PSMA5: variants seen among roughly 807,000 people sequenced by gnomAD.
PSMA5 encodes the protein proteasome 20S subunit alpha 5.
A neutral mutation model predicts 34.5 loss-of-function variants in PSMA5; 3 were observed. The ratio of observed to expected loss-of-function variants is 0.09; its 90% CI spans 0.04 to 0.22. The LOEUF (loss-of-function observed/expected upper bound fraction) is 0.22. Ranked by LOEUF, PSMA5 falls within the 10% of genes least tolerant of loss-of-function variation. The probability of loss-of-function intolerance (pLI) is 1.00; values close to 1 mark genes in which losing one functional copy is unlikely to be tolerated. For missense variants in PSMA5, 120 were observed against 286.1 expected (o/e 0.42, Z 4.19); for synonymous variants, 88 against 95.8 (o/e 0.92, Z 0.47).
chr1:109,402,190 T>G, intron 8 of PSMA5, 100 bp from the exon 9 acceptor site: 1 of 815,360 alleles, frequency 1.2e-6, no homozygotes, highest in South Asian at 1.6e-5. Context: ...AGCTATTCAT[T>G]AGGAACTAAG....
In PSMA5 at chr1:109,402,138, T is replaced by C. The variant is rs563716646; in HGVS notation, c.649-48A>G. 8 of 1,392,132 alleles carry C rather than the reference T, an allele frequency of 5.7e-6. No individual in the cohort carries two copies. The Admixed American group carries it at 1.4e-4, about 24-fold the overall frequency. 86.2% of individuals were successfully genotyped at this position (1,392,132 alleles called of 1,614,324 possible). The stretch of plus-strand genomic sequence containing the variant: ...AATAAGCTGGGCTGAGTTACCCTGC[T>C]GATGGCCCTACCATGGTCAGGAGAA... On this transcript the variant is annotated intron_variant, in intron 8 of 8. Transcript: ENST00000271308.
chr1:109,416,974 G>A (rs779947290), intron 2 of PSMA5, among the ~76,000 whole-genome samples: 3 of 152,110 alleles, frequency 2.0e-5, no homozygotes, highest in Admixed American at 6.6e-5. Flanking sequence ...GCTTGGTGGC[G>A]TATGCCTGTA....
chr1:109,422,143 A>G (rs1220349934), intron 1 of PSMA5, among the ~76,000 whole-genome samples: 4 of 152,304 alleles, frequency 2.6e-5, no homozygotes, highest in South Asian at 4.1e-4. Context: ...TCACTCCCAG[A>G]AAGTCTTCCC....
At position 109,412,864 on chromosome 1, in the gene PSMA5, G is replaced by A. The variant is rs550909150; in HGVS notation, c.291+204C>T. On this transcript the variant is annotated intron_variant, in intron 4 of 8. Coordinates refer to ENST00000271308, the MANE Select transcript of PSMA5 (RefSeq NM_002790.4). ...AAAGGAAGACACTGTCAGCACTACT[G>A]ACCAGAGCCTCTTTAAAACTGCAAT... The A allele has an allele frequency of 3.4e-5, 18 of 534,548 alleles. No individual in the cohort carries two copies. In the South Asian group the frequency reaches 4.6e-4, roughly 14 times the overall value. The allele number at this position is 534,548 out of a possible 1,614,324, so 33.1% of individuals were successfully genotyped here.
At chr1:109,419,838 G>A (rs959464111) in intron 2 of PSMA5, among the ~76,000 whole-genome samples, 2 of 150,694 alleles carry the variant, frequency 1.3e-5, no homozygotes, top group African/African-American at 4.9e-5. Flanking sequence ...GCCGCGCATG[G>A]TTGTGCATAG....
At chr1:109,413,940 A>G (rs1403033173) in intron 3 of PSMA5, among the ~76,000 whole-genome samples, 1 of 152,182 alleles carries the variant, frequency 6.6e-6, no homozygotes, top group African/African-American at 2.4e-5. Flanking sequence ...CTCCAGTTTC[A>G]GCCCTCTTTA....
chr1:109,418,998 T>C (rs1654328430), intron 2 of PSMA5, among the ~76,000 whole-genome samples: 1 of 151,954 alleles, frequency 6.6e-6, no homozygotes, highest in African/African-American at 2.4e-5. Flanking sequence ...CTACTAAAAA[T>C]GCAAAATTAG....
intron 1 of PSMA5, 57 bp downstream of exon 1, chr1:109,426,245 C>A (rs1654653500): frequency 3.1e-6 from 5 of 1,606,626 alleles, no homozygotes; most frequent in Non-Finnish European, 3.4e-6. Flanking sequence ...GCCGCGCGGC[C>A]AGGTCCCGGG....
rs1363943329 is a variant in PSMA5, at chr1:109,400,278, G to T, written c.*1735C>A. ...AACTCACCTCTCCCAAAAGCAACATGGGCTTTATCCATTTCTGCATTAACC... is the reference window on the plus strand; with the variant it reads ...AACTCACCTCTCCCAAAAGCAACATTGGCTTTATCCATTTCTGCATTAACC... On this transcript the variant is annotated 3_prime_UTR_variant, in exon 9 of 9. Transcript: ENST00000271308. 1 of 152,100 alleles carries T rather than the reference G, an allele frequency of 6.6e-6. No homozygotes were observed. The highest frequency in any genetic ancestry group is 2.4e-5 in the African/African-American group (1 of 41,418). 9.4% of individuals were successfully genotyped at this position (152,100 alleles called of 1,614,324 possible).
rs1654670580 is a variant in PSMA5 at position 109,426,425 on chromosome 1, C to A, written c.-95G>T. 12 of 1,496,626 alleles carry A rather than the reference C, an allele frequency of 8.0e-6. 1 individual carries two copies. The South Asian group carries it at 1.0e-4, about 13-fold the overall frequency. The allele number at this position is 1,496,626 out of a possible 1,614,324, so 92.7% of individuals were successfully genotyped here. The stretch of plus-strand genomic sequence containing the variant: ...CTCACCGGCAGCCAACTCACCCACA[C>A]GGCCGCAGTACTAAGGACCAACTGC... On this transcript the variant is annotated 5_prime_UTR_variant, in exon 1 of 9. Coordinates refer to ENST00000271308, the MANE Select transcript of PSMA5 (RefSeq NM_002790.4).
Position 109,409,939 on chromosome 1 carries a change from T to C in PSMA5, c.637A>G (p.Thr213Ala). 1 of 1,599,542 alleles carries C rather than the reference T, an allele frequency of 6.3e-7. No individual in the cohort carries two copies. Among genetic ancestry groups the C allele is most frequent in the Admixed American group, 1.7e-5 (1 of 58,456 alleles). The part of the protein sequence containing the change: ...KQVMEEKLNA[T>A]NIELATVQPG... ...AAAACAGAAAGTACCTCAATGTTTGTTGCATTCAGCTTCTCCTCCATTACT... is the reference window on the plus strand; with the variant it reads ...AAAACAGAAAGTACCTCAATGTTTGCTGCATTCAGCTTCTCCTCCATTACT... The change falls in exon 8 of 9, where the codon ACA (threonine) becomes GCA (alanine). Residue 213 changes from threonine to alanine, a missense_variant. This residue lies in a region of PSMA5 where 83 missense variants were observed against 203.2 expected (regional missense o/e 0.41). Transcript: ENST00000271308.
rs1439605352 is a variant in PSMA5, at chr1:109,401,516, T to C, written c.*497A>G. Reference sequence around the variant, plus strand: ...TATTAACCACTGGGAAGAGCTGGACTAGTTCATTTATCAACACCATGGGAT... The same window carrying C: ...TATTAACCACTGGGAAGAGCTGGACCAGTTCATTTATCAACACCATGGGAT... On this transcript the variant is annotated 3_prime_UTR_variant, in exon 9 of 9. Coordinates refer to ENST00000271308, the MANE Select transcript of PSMA5 (RefSeq NM_002790.4). 6.6e-6 allele frequency: 1 copy of C among 152,298 alleles called. No individual in the cohort carries two copies. Among genetic ancestry groups the C allele is most frequent in the East Asian group, 1.9e-4 (1 of 5,196 alleles). 9.4% of individuals were successfully genotyped at this position (152,298 alleles called of 1,614,324 possible). A position where few individuals can be genotyped will look rare whatever the true frequency, so the allele number is the denominator to read the frequency against.
rs2100948261 is a variant in PSMA5 at position 109,401,403 on chromosome 1, T to C, written c.*610A>G. The C allele has an allele frequency of 6.6e-6, 1 of 152,282 alleles. No homozygotes were observed. The highest frequency in any genetic ancestry group is 1.5e-5 in the Non-Finnish European group (1 of 68,022). The allele number at this position is 152,282 out of a possible 1,614,324, so 9.4% of individuals were successfully genotyped here. A position where few individuals can be genotyped will look rare whatever the true frequency, so the allele number is the denominator to read the frequency against. ...ACATGTTCTTCTGATAGTCAATTAG[T>C]AGCATCTCCTTATAAGAAAAGCAGC... On this transcript the variant is annotated 3_prime_UTR_variant, in exon 9 of 9. Coordinates refer to ENST00000271308, the MANE Select transcript of PSMA5 (RefSeq NM_002790.4).
At chr1:109,412,982 T>G in intron 4 of PSMA5, 86 bp downstream of exon 4, 1 of 1,135,426 alleles carries the variant, frequency 8.8e-7, no homozygotes, top group East Asian at 2.4e-5. Context: ...TTGACACAGG[T>G]ACCTGCAGTA....
At chr1:109,411,138 T>G (rs755761916) in intron 6 of PSMA5, 25 bp from the exon 7 acceptor site, 1 of 1,567,128 alleles carries the variant, frequency 6.4e-7, no homozygotes, top group Non-Finnish European at 8.8e-7. Flanking sequence ...AAATGAGGAC[T>G]AAAATGCTCA....
chr1:109,426,294 G>A lies in PSMA5; in HGVS notation c.29+8C>T. 6.2e-7 allele frequency: 1 copy of A among 1,614,032 alleles called. No individual in the cohort carries two copies. The highest frequency in any genetic ancestry group is 8.5e-7 in the Non-Finnish European group (1 of 1,179,928). On this transcript the variant is annotated splice_region_variant and intron_variant, in intron 1 of 8. Coordinates refer to ENST00000271308, the MANE Select transcript of PSMA5 (RefSeq NM_002790.4). ...AATTCCCACCCGACGTCCCCCAGCT[G>A]CACGGACCTGTCGTACTCAGACCGG...
chr1:109,404,727 C>A (rs918003751), intron 8 of PSMA5, among the ~76,000 whole-genome samples: 1 of 152,154 alleles, frequency 6.6e-6, no homozygotes, highest in Non-Finnish European at 1.5e-5. Flanking sequence ...GCAGGTAGAA[C>A]AGATATTTTC....
At chr1:109,420,876 C>A (rs933800079) in intron 2 of PSMA5, among the ~76,000 whole-genome samples, 5 of 151,990 alleles carry the variant, frequency 3.3e-5, no homozygotes, top group Admixed American at 3.3e-4. Context: ...TGGCCCTCCA[C>A]AACAAAGAAT....
chr1:109,419,325 G>A (rs1294490779), intron 2 of PSMA5, among the ~76,000 whole-genome samples: 1 of 152,160 alleles, frequency 6.6e-6, no homozygotes, highest in Admixed American at 6.5e-5. Context: ...AGGAGGCCCA[G>A]AGAACAACCA....
Sources: gnomAD v4.1 joint callset for allele counts (sites outside exome capture counted in the v4.1 genomes callset) on GRCh38, gnomAD v4.1.1 for gene constraint, gnomAD v4.1.1 regional missense constraint, MANE v1.5 for transcripts, NCBI Gene and HGNC (gene_info 2026-07-23, HGNC 2026-07-21) for gene names.